Variants in MYO15B observed in about 807,000 individuals in gnomAD.
MYO15B encodes myosin XVB.
Under a neutral mutation model 119.3 loss-of-function variants are expected in MYO15B, and 207 were observed. The ratio of observed to expected loss-of-function variants is 1.73; its 90% CI spans 1.55 to 1.95. The LOEUF (loss-of-function observed/expected upper bound fraction) is 1.95, where lower values mean the gene tolerates loss of function less well. Ranked by LOEUF, MYO15B falls within the 30% of genes most tolerant of loss-of-function variation. MYO15B has a pLI of 0.00. For synonymous variants in MYO15B, 966 were observed against 498.9 expected, an observed-to-expected ratio of 1.94 and a Z score of -12.48; for missense variants, 2,264 against 1,203.1, an observed-to-expected ratio of 1.88 and a Z score of -13.04.
intron 49 of MYO15B, 111 bp downstream of exon 49, chr17:75,620,747 C>T (rs1192570412): frequency 1.1e-5 from 8 of 696,866 alleles, no homozygotes; most frequent in East Asian, 5.4e-5. Flanking sequence ...CCCTGCTGTC[C>T]GTCTCCTGTG....
At chr17:75,601,560 C>T (rs1334665086) in exon 15 of MYO15B, 1 of 702,936 alleles carries the variant, frequency 1.4e-6, no homozygotes, top group Non-Finnish European at 2.6e-6. Context: ...CTGTCACCTA[C>T]CAGGTACCTG....
exon 9 of MYO15B, chr17:75,592,810 G>T (rs1400114859): frequency 1.4e-5 from 10 of 702,510 alleles, no homozygotes; most frequent in Admixed American, 4.0e-5. Context: ...CCATCCTGCA[G>T]CTGGGCAACA....
intron 20 of MYO15B, 61 bp downstream of exon 20, chr17:75,605,682 T>C (rs2057598681): frequency 7.2e-6 from 5 of 691,044 alleles, no homozygotes; most frequent in Non-Finnish European, 1.3e-5. Context: ...AGGTGCATTC[T>C]GGGCCCAAAG....
Position 75,589,104 on chromosome 17 carries a change from A to G in MYO15B, c.1047A>G (p.Pro349=), listed in dbSNP as rs1020992915. ...GCAGGCTCCTCGCGAGGCCCCCGCC[A>G]GGCGCCGCTTCCCAGGCCGTGGGCC... Residue 349 remains proline, a synonymous_variant, in exon 1 of 64, where the codon CCA becomes CCG. Coordinates refer to ENST00000645453, the Ensembl canonical transcript of MYO15B. This position sits in a 1 kb window ranked among gnomAD's most constrained non-coding sequence, Gnocchi z 4.2. 1.0e-4 allele frequency: 41 copies of G among 392,394 alleles called. No individual in the cohort carries two copies. Among genetic ancestry groups the G allele is most frequent in the Admixed American group, 3.6e-4 (8 of 22,462 alleles). The allele number at this position is 392,394 out of a possible 1,614,324, so 24.3% of individuals were successfully genotyped here. A position where few individuals can be genotyped will look rare whatever the true frequency, so the allele number is the denominator to read the frequency against.
At position 75,614,245 on chromosome 17, in the gene MYO15B, AG is replaced by A. The variant is rs2058219614; in HGVS notation, c.5269del (p.Asp1757ThrfsTer15). On this transcript the variant is annotated frameshift_variant, in exon 30 of 64. Coordinates refer to ENST00000645453, the Ensembl canonical transcript of MYO15B. LOFTEE classifies it high-confidence loss of function. ...GGGCTGGTCTGTGTCACTGCACTCC[AG>A]GGACGCATGGCAGGACTTGGCTGGC... 1 of 702,274 alleles carries A rather than the reference AG, an allele frequency of 1.4e-6. No homozygotes were observed. 43.5% of individuals were successfully genotyped at this position (702,274 alleles called of 1,614,324 possible).
In MYO15B at chr17:75,619,037, C is replaced by T. The variant is rs77108601; in HGVS notation, c.6988-106C>T. 3.0e-3 allele frequency: 1,991 copies of T among 673,404 alleles called. 23 individuals are homozygous for T. Among genetic ancestry groups the T allele is most frequent in the African/African-American group, 0.014 (791 of 56,904 alleles). The allele number at this position is 673,404 out of a possible 1,614,324, so 41.7% of individuals were successfully genotyped here. On this transcript the variant is annotated intron_variant, in intron 43 of 63. Coordinates refer to ENST00000645453, the Ensembl canonical transcript of MYO15B. ...AGCACACAGGCCATGGGGGCCAGGG[C>T]GCCCTCCATCGGCCTCCTCAGGTTT...
intron 12 of MYO15B, 162 bp from the exon 13 acceptor site, chr17:75,596,298 A>G (rs1877134285): frequency 1.7e-6 from 1 of 599,206 alleles, no homozygotes; most frequent in Non-Finnish European, 3.0e-6. Context: ...GGGCTGAGGT[A>G]GCCCGTGTGC....
chr17:75,611,482 A>G (rs2058025985), intron 23 of MYO15B, 119 bp from the exon 24 acceptor site: 1 of 625,582 alleles, frequency 1.6e-6, no homozygotes, highest in South Asian at 1.9e-5. Context: ...AAAAAAAAAA[A>G]AAAAAAATCC....
At chr17:75,588,039 C>G (rs560648958) in exon 1 of MYO15B, 20 of 398,468 alleles carry the variant, frequency 5.0e-5, no homozygotes, top group Non-Finnish European at 8.0e-5. Context: ...TCGGGAAGCC[C>G]GTCTCCTTTG....
rs766471786 is a variant in MYO15B, at chr17:75,620,021, G to A, written c.7443+1G>A. 5.0e-5 allele frequency: 35 copies of A among 699,588 alleles called. No homozygotes were observed. Among genetic ancestry groups the A allele is most frequent in the Non-Finnish European group, 8.1e-5 (31 of 383,194 alleles). The allele number at this position is 699,588 out of a possible 1,614,324, so 43.3% of individuals were successfully genotyped here. ...GCTATTCCTGAATGAGCTTAAGAAG[G>A]TAAGTGTGGGGCACGGGTTGAGAGG... On this transcript the variant is annotated splice_donor_variant, in intron 47 of 63. Transcript: ENST00000645453. LOFTEE classifies it high-confidence loss of function.
chr17:75,618,335 A>C, intron 43 of MYO15B, 150 bp downstream of exon 43: 2 of 628,102 alleles, frequency 3.2e-6, no homozygotes, highest in Non-Finnish European at 5.8e-6. Flanking sequence ...ACCTGCCTTC[A>C]TTGAACCTTC....
chr17:75,602,642 C>G (rs759667720), intron 16 of MYO15B, 48 bp downstream of exon 16: 149 of 620,056 alleles, frequency 2.4e-4, no homozygotes, highest in Admixed American at 1.4e-3. Context: ...ACTCTGTCCC[C>G]CAATTCTGTC....
At chr17:75,596,377 C>T (rs1004633674) in intron 12 of MYO15B, 83 bp from the exon 13 acceptor site, 5 of 684,570 alleles carry the variant, frequency 7.3e-6, no homozygotes, top group African/African-American at 3.5e-5. Context: ...CTCATCCCTG[C>T]GCCCTGGCCA....
At chr17:75,591,905 G>A (rs2056483608) in intron 5 of MYO15B, 72 bp from the exon 6 acceptor site, 2 of 683,846 alleles carry the variant, frequency 2.9e-6, no homozygotes, top group East Asian at 5.4e-5. Context: ...CCCTGGACCT[G>A]CCCCTAGCTG....
At chr17:75,605,518 G>T in exon 20 of MYO15B, 3 of 702,494 alleles carry the variant, frequency 4.3e-6, no homozygotes, top group African/African-American at 1.7e-5. Flanking sequence ...CAGGCCCTGG[G>T]GTCAGAAGGG....
chr17:75,623,217 G>A (rs749537855), intron 53 of MYO15B, among the ~76,000 whole-genome samples: 45 of 152,078 alleles, frequency 3.0e-4, no homozygotes, highest in East Asian at 3.9e-4. Flanking sequence ...TGTAGTACTC[G>A]GAAGGTTGAG....
chr17:75,594,638 G>T lies in MYO15B; in HGVS notation c.3105+50G>T, dbSNP rs1001120906. Reference sequence around the variant, plus strand: ...GGGGCCTGGCCTGGCTGACCCACAGGCTGAGTAAGCACCATGAGGGCTGCA... The same window carrying T: ...GGGGCCTGGCCTGGCTGACCCACAGTCTGAGTAAGCACCATGAGGGCTGCA... On this transcript the variant is annotated intron_variant, in intron 10 of 63. Transcript: ENST00000645453. 9 of 698,302 alleles carry T rather than the reference G, an allele frequency of 1.3e-5. No homozygotes were observed. In the African/African-American group the frequency reaches 1.6e-4, roughly 12 times the overall value. The allele number at this position is 698,302 out of a possible 1,614,324, so 43.3% of individuals were successfully genotyped here.
chr17:75,615,923 G>A, intron 36 of MYO15B, 39 bp downstream of exon 36: 2 of 633,696 alleles, frequency 3.2e-6, no homozygotes, highest in Non-Finnish European at 5.7e-6. Flanking sequence ...GGATGTGAGG[G>A]TGGGGACTGC....
At chr17:75,622,863 T>C (rs1398092293) in intron 53 of MYO15B, among the ~76,000 whole-genome samples, 1 of 152,114 alleles carries the variant, frequency 6.6e-6, no homozygotes, top group Admixed American at 6.5e-5. Context: ...AATCCCAGAC[T>C]TCCCAGTGGA....
Sources: gnomAD v4.1 joint callset for allele counts (sites outside exome capture counted in the v4.1 genomes callset) on GRCh38, gnomAD v4.1.1 for gene constraint, Gnocchi (gnomAD v3.1) non-coding constraint, MANE v1.5 for transcripts, NCBI Gene and HGNC (gene_info 2026-07-23, HGNC 2026-07-21) for gene names.